The following UHRF1 variants were observed in gnomAD, a reference collection of about 807,000 sequenced individuals.
UHRF1 encodes ubiquitin like with PHD and ring finger domains 1, also known as E3 ubiquitin-protein ligase UHRF1.
UHRF1 carries 9 observed loss-of-function variants against 96.5 expected under a neutral mutation model. The observed-to-expected ratio is 0.09, with a 90% CI of 0.06 to 0.16. The LOEUF is 0.16. Among genes scored for constraint, UHRF1 ranks in the 10% least tolerant of loss-of-function variants. UHRF1 has a pLI of 1.00. For synonymous variants in UHRF1, 455 were observed against 469.9 expected (o/e 0.97, Z 0.41); for missense variants, 626 against 1,131.1 (o/e 0.55, Z 6.40).
rs2033367680 is a variant in UHRF1 at position 4,940,751 on chromosome 19, C to G, written c.786-777C>G. On this transcript the variant is annotated intron_variant, in intron 5 of 16. Coordinates refer to ENST00000650932, the MANE Select transcript of UHRF1 (RefSeq NM_001048201.3). ...GCAGTGGCACGATCTTGGCTCACTT[C>G]AGCGTCTGCCTCCTGGGTTCAAGCA... is the stretch of plus-strand genomic sequence containing the variant. Among the ~76,000 whole-genome samples, 6 of 151,864 alleles carry G rather than the reference C, an allele frequency of 4.0e-5. No homozygotes were observed. In the South Asian group the frequency reaches 1.2e-3, roughly 32 times the overall value.
At chr19:4,939,298 G>A (rs1309038392) in intron 5 of UHRF1, among the ~76,000 whole-genome samples, 2 of 147,550 alleles carry the variant, frequency 1.4e-5, no homozygotes, top group Admixed American at 6.9e-5. Flanking sequence ...GAGTTCAAGT[G>A]ATACTCCTGC....
At chr19:4,933,714 C>T (rs987254377) in intron 5 of UHRF1, among the ~76,000 whole-genome samples, 2 of 152,152 alleles carry the variant, frequency 1.3e-5, no homozygotes, top group Non-Finnish European at 2.9e-5. Context: ...CAAACCACAC[C>T]GCTTAGGAGT....
intron 13 of UHRF1, among the ~76,000 whole-genome samples, chr19:4,952,874 T>C (rs2033756006): frequency 6.6e-6 from 1 of 152,126 alleles, no homozygotes; most frequent in East Asian, 1.9e-4. Flanking sequence ...GCTAAGGCCC[T>C]GGGGTCAGGT....
chr19:4,939,988 C>T (rs1041159603), intron 5 of UHRF1, among the ~76,000 whole-genome samples: 4 of 148,288 alleles, frequency 2.7e-5, no homozygotes, highest in South Asian at 4.3e-4. Flanking sequence ...CGTGCCACTG[C>T]ACTCCAGCCT....
chr19:4,952,246 C>T (rs1197676258), intron 13 of UHRF1, among the ~76,000 whole-genome samples: 1 of 151,958 alleles, frequency 6.6e-6, no homozygotes, highest in Non-Finnish European at 1.5e-5. Flanking sequence ...GTGCCCACCA[C>T]CACGCCTGGC....
chr19:4,946,452 G>A (rs900720356), intron 10 of UHRF1, among the ~76,000 whole-genome samples: 6 of 152,120 alleles, frequency 3.9e-5, no homozygotes, highest in African/African-American at 1.4e-4. Flanking sequence ...TTCCCCTTTC[G>A]ACTGCTGTGA....
chr19:4,951,032 C>A (rs761888840), intron 13 of UHRF1, 36 bp downstream of exon 13: 64 of 1,553,132 alleles, frequency 4.1e-5, no homozygotes, highest in Non-Finnish European at 5.0e-5. Context: ...TTTGGGAGGC[C>A]AAGGCGGATG....
At chr19:4,946,915 A>T (rs1485735321) in intron 10 of UHRF1, among the ~76,000 whole-genome samples, 190 bp from the exon 11 acceptor site, 1 of 152,032 alleles carries the variant, frequency 6.6e-6, no homozygotes, top group Non-Finnish European at 1.5e-5. Flanking sequence ...CACTGTTTGT[A>T]TAGTCGCTTT....
At chr19:4,913,438 A>G (rs546998718) in intron 2 of UHRF1, among the ~76,000 whole-genome samples, 21 of 152,034 alleles carry the variant, frequency 1.4e-4, no homozygotes, top group Non-Finnish European at 3.1e-4. Flanking sequence ...TATTTTTAGT[A>G]GAGACGGAGT....
At chr19:4,949,580 G>A (rs1282392129) in intron 11 of UHRF1, among the ~76,000 whole-genome samples, 5 of 152,066 alleles carry the variant, frequency 3.3e-5, no homozygotes, top group Non-Finnish European at 7.3e-5. Flanking sequence ...TGTCGTTCCA[G>A]TACTTTGGGA....
At chr19:4,952,393 CTTT>C (rs150183272) in intron 13 of UHRF1, among the ~76,000 whole-genome samples, 8 of 82,528 alleles carry the variant, frequency 9.7e-5, no homozygotes, top group Admixed American at 3.2e-4. Context: ...CGCTCCCAGC[CTTT>C]TTTTTTTTTT....
intron 5 of UHRF1, among the ~76,000 whole-genome samples, chr19:4,934,833 T>C (rs1477914520): frequency 6.6e-6 from 1 of 152,116 alleles, no homozygotes; most frequent in Non-Finnish European, 1.5e-5. Flanking sequence ...GGGAGCCTCC[T>C]CACTGAGTCT....
In UHRF1 at chr19:4,930,970, G is replaced by A. The variant is rs1479168516; in HGVS notation, c.569+94G>A. The A allele has an allele frequency of 6.5e-6, 10 of 1,530,052 alleles. No homozygotes were observed. Among genetic ancestry groups the A allele is most frequent in the African/African-American group, 2.7e-5 (2 of 73,538 alleles). The allele number at this position is 1,530,052 out of a possible 1,614,324, so 94.8% of individuals were successfully genotyped here. A position where few individuals can be genotyped will look rare whatever the true frequency, so the allele number is the denominator to read the frequency against. On this transcript the variant is annotated intron_variant, in intron 4 of 16. Coordinates refer to ENST00000650932, the MANE Select transcript of UHRF1 (RefSeq NM_001048201.3). The surrounding 1 kb of genome is among the most constrained non-coding windows in gnomAD (Gnocchi z 4.4). ...TCAGGCCAGAGCTTGGCACTGTCTC[G>A]AGATGGTGATCAGGATCTGGGGCCC...
intron 2 of UHRF1, among the ~76,000 whole-genome samples, chr19:4,922,684 C>A (rs1294792252): frequency 6.6e-6 from 1 of 152,260 alleles, no homozygotes. Context: ...CAAGCTTCCT[C>A]CTGCCTGCTT....
intron 16 of UHRF1, among the ~76,000 whole-genome samples, chr19:4,960,020 T>C (rs2033950022): frequency 1.3e-5 from 2 of 152,196 alleles, no homozygotes; most frequent in Admixed American, 1.3e-4. Context: ...GCCTGGCTAA[T>C]TTTTGTATTT....
upstream of UHRF1, chr19:4,909,254 G>A: frequency 1.9e-6 from 1 of 521,650 alleles, no homozygotes; most frequent in Non-Finnish European, 3.4e-6. Flanking sequence ...GTGTCCACGT[G>A]CGGGGGGTGA....
At chr19:4,935,124 C>T (rs1329695204) in intron 5 of UHRF1, among the ~76,000 whole-genome samples, 2 of 152,124 alleles carry the variant, frequency 1.3e-5, no homozygotes, top group African/African-American at 4.8e-5. Context: ...TAGGTGCCCA[C>T]CACCAGCTAA....
intron 2 of UHRF1, among the ~76,000 whole-genome samples, chr19:4,915,538 C>T (rs1397509873): frequency 1.3e-5 from 2 of 152,130 alleles, no homozygotes; most frequent in African/African-American, 4.8e-5. Flanking sequence ...CATGGTGAAA[C>T]CCCGTCTCTA....
rs752158377 is a variant in UHRF1 at position 4,941,725 on chromosome 19, C to T, written c.887-20C>T. The T allele has an allele frequency of 5.8e-6, 9 of 1,546,276 alleles. No individual in the cohort carries two copies. The highest frequency in any genetic ancestry group is 7.9e-6 in the Non-Finnish European group (9 of 1,145,016). On this transcript the variant is annotated intron_variant, in intron 6 of 16. Coordinates refer to ENST00000650932, the MANE Select transcript of UHRF1 (RefSeq NM_001048201.3). The stretch of plus-strand genomic sequence containing the variant: ...CTTGGCCGGGCCCCGCCGGAGCTGA[C>T]CCTGCCGCCCCGTGCCCAGGGAAGA...
Sources: gnomAD v4.1 joint callset for allele counts (sites outside exome capture counted in the v4.1 genomes callset) on GRCh38, gnomAD v4.1.1 for gene constraint, Gnocchi (gnomAD v3.1) non-coding constraint, MANE v1.5 for transcripts, NCBI Gene and HGNC (gene_info 2026-07-23, HGNC 2026-07-21) for gene names.